The following XKR6 variants were observed in gnomAD, a reference collection of about 807,000 sequenced individuals.
XKR6 encodes XK-related protein 6.
In XKR6, 22 loss-of-function variants were observed where a neutral mutation model predicts 56.7. That is an observed-to-expected ratio of 0.39 (90% CI 0.28 to 0.55). XKR6 has a LOEUF of 0.55. Ranked by LOEUF, XKR6 falls within the 20% of genes least tolerant of loss-of-function variation. XKR6 has a pLI of 0.66. For missense variants in XKR6, 852 were observed against 889.0 expected (o/e 0.96, Z 0.53); for synonymous variants, 524 against 387.8 (o/e 1.35, Z -4.13).
At chr8:10,984,701 TCTCTC>T (rs1797814306) in intron 1 of XKR6, among the ~76,000 whole-genome samples, 3 of 61,556 alleles carry the variant, frequency 4.9e-5, no homozygotes, top group African/African-American at 2.5e-4. Flanking sequence ...CATGGCTCTC[TCTCTC>T]TCTCTCTCTC....
At chr8:10,939,282 C>A (rs1322438130) in intron 1 of XKR6, among the ~76,000 whole-genome samples, 3 of 152,240 alleles carry the variant, frequency 2.0e-5, no homozygotes, top group African/African-American at 7.2e-5. Context: ...GGCCCGCCCA[C>A]CACAGTTCCT....
intron 1 of XKR6, among the ~76,000 whole-genome samples, chr8:10,978,485 T>C (rs1228953760): frequency 1.3e-5 from 2 of 152,176 alleles, no homozygotes; most frequent in African/African-American, 4.8e-5. Context: ...GAAGACGATT[T>C]GTTGAAGGCT....
In XKR6 at chr8:11,087,381, G is replaced by A. The variant is rs1797924172; in HGVS notation, c.764+113195C>T. On this transcript the variant is annotated intron_variant, in intron 1 of 2. Transcript: ENST00000416569. Reference sequence around the variant, plus strand: ...GGAAGGGCACTGACCTCAGGCTCAGGATGAATTCCAATTTGCTCATGTCAA... The same window carrying A: ...GGAAGGGCACTGACCTCAGGCTCAGAATGAATTCCAATTTGCTCATGTCAA... Among the ~76,000 whole-genome samples the A allele has an allele frequency of 2.0e-5, 3 of 152,178 alleles. No individual in the cohort carries two copies. In the South Asian group the frequency reaches 6.2e-4, roughly 32 times the overall value.
chr8:10,905,665 C>T (rs1800168827), intron 2 of XKR6, among the ~76,000 whole-genome samples: 1 of 152,204 alleles, frequency 6.6e-6, no homozygotes, highest in Non-Finnish European at 1.5e-5. Flanking sequence ...TGGCCCCCTC[C>T]CTGCCTCCCT....
At chr8:11,106,863 A>AAAAAAAAAAAAAAAGAAAAAAAAAAAAG (rs60435831) in intron 1 of XKR6, among the ~76,000 whole-genome samples, 1 of 109,902 alleles carries the variant, frequency 9.1e-6, no homozygotes, top group South Asian at 2.9e-4. Flanking sequence ...AAAAAAAAAA[A>AAAAAAAAAAAAAAAGAAAAAAAAAAAAG]AATAAAAAAG....
Position 11,163,117 on chromosome 8 carries a change from C to T in XKR6, c.764+37459G>A, listed in dbSNP as rs573884718. ...ACCACAGTAAACCTAAAATTATTTTCGAATAAAATCAGCACCATTTAAAAT... is the reference window on the plus strand; with the variant it reads ...ACCACAGTAAACCTAAAATTATTTTTGAATAAAATCAGCACCATTTAAAAT... On this transcript the variant is annotated intron_variant, in intron 1 of 2. Coordinates refer to ENST00000416569, the MANE Select transcript of XKR6 (RefSeq NM_173683.4). 8.5e-5 allele frequency among the ~76,000 whole-genome samples: 13 copies of T among 152,136 alleles called. No homozygotes were observed. In the South Asian group the frequency reaches 1.5e-3, roughly 17 times the overall value.
At chr8:11,108,560 G>C (rs1798767627) in intron 1 of XKR6, 2 of 355,314 alleles carry the variant, frequency 5.6e-6, no homozygotes, top group Middle Eastern at 1.0e-3. Flanking sequence ...AGCGGCCTTA[G>C]TGCCTTGGAC....
At chr8:11,164,003 C>A (rs183014040) in intron 1 of XKR6, among the ~76,000 whole-genome samples, 45 of 152,262 alleles carry the variant, frequency 3.0e-4, no homozygotes, top group Admixed American at 4.6e-4. Context: ...TGCTTCCAAA[C>A]AGTAATGTGA....
chr8:11,107,025 C>T (rs193166742), intron 1 of XKR6, among the ~76,000 whole-genome samples: 2 of 151,852 alleles, frequency 1.3e-5, no homozygotes, highest in Non-Finnish European at 2.9e-5. Flanking sequence ...AACCTCCCAT[C>T]CCCAGAGCAA....
intron 1 of XKR6, among the ~76,000 whole-genome samples, chr8:10,927,419 C>G (rs1586315369): frequency 6.6e-6 from 1 of 152,244 alleles, no homozygotes; most frequent in East Asian, 1.9e-4. Flanking sequence ...CCACAGATCA[C>G]TCCAGGCCCC....
At position 10,993,891 on chromosome 8, in the gene XKR6, C is replaced by T. The variant is rs189531513; in HGVS notation, c.765-69061G>A. 8.5e-5 allele frequency among the ~76,000 whole-genome samples: 13 copies of T among 152,336 alleles called. No homozygotes were observed. The East Asian group carries it at 1.5e-3, about 18-fold the overall frequency. The stretch of plus-strand genomic sequence containing the variant: ...CTATACCTGCAGCCTCAGCCCACCC[C>T]ATGGCAATCAGGGTAGGGCCTGGAG... On this transcript the variant is annotated intron_variant, in intron 1 of 2. Coordinates refer to ENST00000416569, the MANE Select transcript of XKR6 (RefSeq NM_173683.4).
chr8:10,993,219 C>A (rs181735131), intron 1 of XKR6, among the ~76,000 whole-genome samples: 62 of 152,342 alleles, frequency 4.1e-4, no homozygotes, highest in Non-Finnish European at 1.0e-4. Context: ...CCAGGCGAGG[C>A]TGGGATGCTT....
intron 1 of XKR6, among the ~76,000 whole-genome samples, chr8:11,107,044 A>G (rs75605074): frequency 0.012 from 1,754 of 152,006 alleles, 28 homozygotes; most frequent in African/African-American, 0.04. Flanking sequence ...AAAACATGAC[A>G]ATGAGAGGAA....
At chr8:11,159,915 C>A (rs987551525) in intron 1 of XKR6, among the ~76,000 whole-genome samples, 6 of 152,198 alleles carry the variant, frequency 3.9e-5, no homozygotes, top group Non-Finnish European at 7.4e-5. Flanking sequence ...ATCTCATGAC[C>A]CCAAGGGCAA....
chr8:11,062,393 T>A (rs1025364380), intron 1 of XKR6, among the ~76,000 whole-genome samples: 27 of 152,220 alleles, frequency 1.8e-4, no homozygotes, highest in Admixed American at 1.5e-3. Flanking sequence ...GATGCCTTTA[T>A]TTGTATGTTC....
chr8:10,991,432 G>A (rs1209134425), intron 1 of XKR6, among the ~76,000 whole-genome samples: 1 of 152,122 alleles, frequency 6.6e-6, no homozygotes, highest in Non-Finnish European at 1.5e-5. Context: ...ACTGGCCTGA[G>A]GATAGTTATG....
rs1457819238 is a variant in XKR6 at position 10,898,363 on chromosome 8, A to C, written c.1515T>G (p.Ala505=). 6.2e-7 allele frequency: 1 copy of C among 1,614,078 alleles called. No homozygotes were observed. The highest frequency in any genetic ancestry group is 1.1e-5 in the South Asian group (1 of 91,080). The part of the protein sequence containing the change: ...YGVLHPTGPR[A]KILASSCCAE... ...CACAACAGGAGCTGGCAAGGATCTT[A>C]GCTCGTGGTCCTGTGGGATGCAGCA... The change falls in exon 3 of 3, where the codon GCT becomes GCG. Residue 505 remains alanine (A), a synonymous_variant. Coordinates refer to ENST00000416569, the MANE Select transcript of XKR6 (RefSeq NM_173683.4). This position sits in a 1 kb window ranked among gnomAD's most constrained non-coding sequence, Gnocchi z 6.6.
chr8:11,003,005 A>C (rs938427480), intron 1 of XKR6, among the ~76,000 whole-genome samples: 22 of 152,072 alleles, frequency 1.4e-4, no homozygotes, highest in Non-Finnish European at 2.8e-4. Flanking sequence ...CCACTGAAAA[A>C]AAAAAACCTC....
chr8:11,178,077 G>A (rs59304760), intron 1 of XKR6, among the ~76,000 whole-genome samples: 9,315 of 152,132 alleles, frequency 0.061, 851 homozygotes, highest in African/African-American at 0.2. Context: ...CCTAGTGACC[G>A]GGTAGGAGCC....
Sources: allele counts gnomAD v4.1 joint callset (sites outside exome capture counted in the v4.1 genomes callset), GRCh38; gene constraint gnomAD v4.1.1; non-coding constraint Gnocchi (gnomAD v3.1); transcripts MANE v1.5; gene names NCBI Gene and HGNC (gene_info 2026-07-23, HGNC 2026-07-21).